Variants in ACADSB observed in about 807,000 individuals in gnomAD.
ACADSB encodes the protein short/branched chain specific acyl-CoA dehydrogenase, mitochondrial.
ACADSB carries 40 observed loss-of-function variants against 54.1 expected under a neutral mutation model. The observed-to-expected ratio is 0.74, with a 90% CI of 0.57 to 0.96. The LOEUF (loss-of-function observed/expected upper bound fraction) is 0.96, where lower values mean the gene tolerates loss of function less well. Among genes scored for constraint, ACADSB ranks in the 40% least tolerant of loss-of-function variants. The pLI is 0.00. For synonymous variants in ACADSB, 182 were observed against 182.8 expected (o/e 1.00, Z 0.03); for missense variants, 530 against 510.4 (o/e 1.04, Z -0.37).
intron 1 of ACADSB, among the ~76,000 whole-genome samples, chr10:123,023,961 T>TC (rs201224164): frequency 6.6e-6 from 1 of 152,234 alleles, no homozygotes; most frequent in African/African-American, 2.4e-5. Flanking sequence ...CCCTGAGGTG[T>TC]CCCCCTTTGG....
At position 123,009,222 on chromosome 10, in the gene ACADSB, T is replaced by A. The variant is rs984095198; in HGVS notation, c.42+151T>A. 6 of 892,982 alleles carry A rather than the reference T, an allele frequency of 6.7e-6. No homozygotes were observed. The Admixed American group carries it at 1.2e-4, about 18-fold the overall frequency. 55.3% of individuals were successfully genotyped at this position (892,982 alleles called of 1,614,324 possible). A position where few individuals can be genotyped will look rare whatever the true frequency, so the allele number is the denominator to read the frequency against. On this transcript the variant is annotated intron_variant, in intron 1 of 10. Coordinates refer to ENST00000358776, the MANE Select transcript of ACADSB (RefSeq NM_001609.4). ...CCAGACTCTTTACCCGCGGGCAGTC[T>A]ATGACCCCGACCCCCTTCAGGCCTC...
intron 1 of ACADSB, among the ~76,000 whole-genome samples, chr10:123,022,969 T>C (rs1850203120): frequency 6.6e-6 from 1 of 152,254 alleles, no homozygotes; most frequent in Non-Finnish European, 1.5e-5. Context: ...TTCAACAGTT[T>C]ATCTAGATTA....
At chr10:123,041,418 C>G (rs781321841) in intron 5 of ACADSB, 39 bp downstream of exon 5, 3 of 1,597,278 alleles carry the variant, frequency 1.9e-6, no homozygotes. Context: ...TTTCCAAACC[C>G]CTTCTTTTCT....
In ACADSB at chr10:123,056,350, A is replaced by G. The variant is rs369576708; in HGVS notation, c.*2585A>G. 4.3e-6 allele frequency: 1 copy of G among 230,818 alleles called. No individual in the cohort carries two copies. Among genetic ancestry groups the G allele is most frequent in the African/African-American group, 2.3e-5 (1 of 42,946 alleles). 14.3% of individuals were successfully genotyped at this position (230,818 alleles called of 1,614,324 possible). A position where few individuals can be genotyped will look rare whatever the true frequency, so the allele number is the denominator to read the frequency against. ...GGCAAGAGAAAATGAAGAAGAAGCA[A>G]AAGTGGAAACCCCTGATAAACCCAT... On this transcript the variant is annotated 3_prime_UTR_variant, in exon 11 of 11. Coordinates refer to ENST00000358776, the MANE Select transcript of ACADSB (RefSeq NM_001609.4).
At chr10:123,045,149 ATATATATATATATATATATATATTTT>A (rs1184688445) in intron 7 of ACADSB, among the ~76,000 whole-genome samples, 387 of 10,008 alleles carry the variant, frequency 0.039, 11 homozygotes, top group African/African-American at 0.13. Flanking sequence ...ATATATATAT[ATATATATATATATATATATATATTTT>A]TTTTTTTTTT....
intron 3 of ACADSB, among the ~76,000 whole-genome samples, 175 bp downstream of exon 3, chr10:123,038,022 T>A (rs530545598): frequency 1.3e-5 from 2 of 152,376 alleles, no homozygotes; most frequent in South Asian, 2.1e-4. Flanking sequence ...TAACATTTTT[T>A]AATTTGAAAT....
At chr10:123,042,683 G>T (rs1850491125) in intron 5 of ACADSB, among the ~76,000 whole-genome samples, 1 of 151,762 alleles carries the variant, frequency 6.6e-6, no homozygotes, top group South Asian at 2.1e-4. Flanking sequence ...CCTGACCTCA[G>T]GTAATCCGCC....
intron 1 of ACADSB, among the ~76,000 whole-genome samples, chr10:123,023,063 C>A (rs1277676965): frequency 1.3e-5 from 2 of 152,076 alleles, no homozygotes; most frequent in Non-Finnish European, 2.9e-5. Flanking sequence ...TAAGTAAGAG[C>A]CTTAAAGTTA....
chr10:123,040,062 G>A (rs946313172), intron 3 of ACADSB, among the ~76,000 whole-genome samples: 2 of 151,744 alleles, frequency 1.3e-5, no homozygotes, highest in Admixed American at 6.6e-5. Context: ...AATAATTATG[G>A]TGGCTGGGTA....
intron 1 of ACADSB, among the ~76,000 whole-genome samples, chr10:123,014,033 C>T (rs746494067): frequency 2.0e-5 from 3 of 152,216 alleles, no homozygotes; most frequent in Non-Finnish European, 4.4e-5. Flanking sequence ...CGAGAGCAAG[C>T]GAGGGCTGCC....
At chr10:123,033,864 C>T (rs924257310) in intron 1 of ACADSB, among the ~76,000 whole-genome samples, 11 of 152,144 alleles carry the variant, frequency 7.2e-5, no homozygotes, top group Admixed American at 2.6e-4. Context: ...AAATTAGCCA[C>T]GGAAATTACA....
chr10:123,052,021 G>A lies in ACADSB; in HGVS notation c.1128+835G>A, dbSNP rs74159955. ...ACCTCTGTACTTCAGTCACCTCACT[G>A]CCCTCCTGGTCCCTGGTGCTTCCTC... On this transcript the variant is annotated intron_variant, in intron 9 of 10. Coordinates refer to ENST00000358776, the MANE Select transcript of ACADSB (RefSeq NM_001609.4). The surrounding 1 kb of genome is among the most constrained non-coding windows in gnomAD (Gnocchi z 4.2). Among the ~76,000 whole-genome samples the A allele has an allele frequency of 3.3e-3, 500 of 152,186 alleles. No individual in the cohort carries two copies. Among genetic ancestry groups the A allele is most frequent in the African/African-American group, 0.011 (462 of 41,516 alleles).
chr10:123,009,136 G>A, intron 1 of ACADSB, 65 bp downstream of exon 1: 2 of 1,510,326 alleles, frequency 1.3e-6, no homozygotes, highest in South Asian at 1.2e-5. Flanking sequence ...AATCGCAGCT[G>A]GCAGAGCCTT....
intron 1 of ACADSB, among the ~76,000 whole-genome samples, chr10:123,015,538 G>A (rs574073398): frequency 2.2e-4 from 34 of 152,266 alleles, no homozygotes; most frequent in Middle Eastern, 6.8e-3. Context: ...CTCCATCCAT[G>A]GCCAAATGTC....
intron 1 of ACADSB, among the ~76,000 whole-genome samples, chr10:123,010,153 C>CT (rs150759787): frequency 0.017 from 2,631 of 152,346 alleles, 33 homozygotes; most frequent in Non-Finnish European, 0.029. Context: ...CAATTTGACT[C>CT]TGTTTTAGAG....
chr10:123,025,075 G>T (rs757998040), intron 1 of ACADSB, among the ~76,000 whole-genome samples: 2 of 152,052 alleles, frequency 1.3e-5, no homozygotes, highest in Non-Finnish European at 2.9e-5. Context: ...ATGCCTGGGC[G>T]ACAGAGTGAG....
intron 1 of ACADSB, among the ~76,000 whole-genome samples, chr10:123,017,902 G>A (rs2133457540): frequency 6.6e-6 from 1 of 152,328 alleles, no homozygotes; most frequent in East Asian, 1.9e-4. Context: ...GAATGTCTGG[G>A]TTGTGATAAG....
At chr10:123,053,023 T>C (rs369982348) in intron 9 of ACADSB, 38 bp from the exon 10 acceptor site, 6 of 1,493,792 alleles carry the variant, frequency 4.0e-6, no homozygotes, top group African/African-American at 2.8e-5. Context: ...GTATAAGTTA[T>C]GTGGTTTCAG....
chr10:123,012,491 C>T (rs958782082), intron 1 of ACADSB, among the ~76,000 whole-genome samples: 1 of 152,150 alleles, frequency 6.6e-6, no homozygotes, highest in Admixed American at 6.5e-5. Flanking sequence ...CACGGACCCT[C>T]GCGGTGAGTG....
Sources: gnomAD v4.1 joint callset for allele counts (sites outside exome capture counted in the v4.1 genomes callset) on GRCh38, gnomAD v4.1.1 for gene constraint, Gnocchi (gnomAD v3.1) non-coding constraint, MANE v1.5 for transcripts, NCBI Gene and HGNC (gene_info 2026-07-23, HGNC 2026-07-21) for gene names.